Variants in RGS6 observed in about 807,000 individuals in gnomAD.
RGS6 encodes regulator of G protein signaling 6.
RGS6 carries 30 observed loss-of-function variants against 78.5 expected under a neutral mutation model. The ratio of observed to expected loss-of-function variants is 0.38; its 90% CI spans 0.29 to 0.52. The LOEUF (loss-of-function observed/expected upper bound fraction) is 0.52, where lower values mean the gene tolerates loss of function less well. RGS6 is among the 20% of genes least tolerant of loss of function. The pLI is 0.85. For synonymous variants in RGS6, 206 were observed against 206.0 expected, an observed-to-expected ratio of 1.00 and a Z score of 0.00; for missense variants, 495 against 609.7, an observed-to-expected ratio of 0.81 and a Z score of 1.98.
At chr14:72,509,936 A>C (rs890836778) in intron 13 of RGS6, among the ~76,000 whole-genome samples, 3 of 152,234 alleles carry the variant, frequency 2.0e-5, no homozygotes, top group African/African-American at 7.2e-5. Flanking sequence ...ACCATCACTT[A>C]ACATGCCTCC....
chr14:72,102,683 G>A (rs2095552211), intron 2 of RGS6, among the ~76,000 whole-genome samples: 1 of 152,078 alleles, frequency 6.6e-6, no homozygotes, highest in Non-Finnish European at 1.5e-5. Flanking sequence ...CCTAATGAAA[G>A]TTTTCACACG....
chr14:72,599,393 C>CTTTTGTT, the RGS6 span, among the ~76,000 whole-genome samples: 64 of 78,226 alleles, frequency 8.2e-4, 7 homozygotes, highest in Middle Eastern at 0.014. Context: ...CTTTTCTTTC[C>CTTTTGTT]TTTTTTTTTT....
Position 72,145,904 on chromosome 14 carries a change from A to C in RGS6, c.84+181029A>C, listed in dbSNP as rs117059629. 9.8e-3 allele frequency among the ~76,000 whole-genome samples: 1,487 copies of C among 152,340 alleles called. 12 individuals carry two copies. The highest frequency in any genetic ancestry group is 0.016 in the Non-Finnish European group (1,088 of 68,034). ...GGCTCCCCTGTGGAAGTGATATTTAAGGGAAGATTAAAGGATTAAGAACAA... is the reference window on the plus strand; with the variant it reads ...GGCTCCCCTGTGGAAGTGATATTTACGGGAAGATTAAAGGATTAAGAACAA... On this transcript the variant is annotated intron_variant, in intron 2 of 17. Transcript: ENST00000553525.
At chr14:72,117,509 G>GT (rs2095927381) in intron 2 of RGS6, among the ~76,000 whole-genome samples, 1 of 152,026 alleles carries the variant, frequency 6.6e-6, no homozygotes, top group South Asian at 2.1e-4. Context: ...CGTGCTTTGT[G>GT]TACAGCCTGC....
intron 2 of RGS6, among the ~76,000 whole-genome samples, chr14:72,155,411 G>A (rs1344327399): frequency 6.6e-6 from 1 of 152,106 alleles, no homozygotes; most frequent in Non-Finnish European, 1.5e-5. Flanking sequence ...GACCTTAAAG[G>A]CCAGCTTATT....
At chr14:72,320,435 G>C (rs1431981161) in intron 2 of RGS6, among the ~76,000 whole-genome samples, 1 of 151,956 alleles carries the variant, frequency 6.6e-6, no homozygotes, top group African/African-American at 2.4e-5. Context: ...AAAATTAGCT[G>C]GGCGTGGTGG....
At chr14:72,469,868 A>G (rs1294298711) in intron 7 of RGS6, 139 bp from the exon 8 acceptor site, 8 of 646,252 alleles carry the variant, frequency 1.2e-5, no homozygotes, top group Middle Eastern at 3.4e-4. Context: ...AATGGGATAC[A>G]TGTCCAGGGG....
intron 2 of RGS6, among the ~76,000 whole-genome samples, chr14:72,126,109 A>G (rs919576028): frequency 6.6e-6 from 1 of 152,164 alleles, no homozygotes; most frequent in African/African-American, 2.4e-5. Flanking sequence ...AGTACAGTAA[A>G]CAGATCCAGC....
At chr14:72,001,616 A>G (rs2083451968) in intron 2 of RGS6, among the ~76,000 whole-genome samples, 2 of 152,110 alleles carry the variant, frequency 1.3e-5, no homozygotes, top group South Asian at 2.1e-4. Flanking sequence ...AATTAAAGAC[A>G]TATTCTCTTA....
intron 2 of RGS6, among the ~76,000 whole-genome samples, chr14:72,175,281 A>G (rs926731825): frequency 2.6e-5 from 4 of 152,184 alleles, no homozygotes; most frequent in Non-Finnish European, 4.4e-5. Flanking sequence ...ATTCTAGCAT[A>G]AGAGAGGGGA....
chr14:72,288,338 A>G (rs936673294), intron 2 of RGS6, among the ~76,000 whole-genome samples: 1 of 152,226 alleles, frequency 6.6e-6, no homozygotes, highest in African/African-American at 2.4e-5. Flanking sequence ...GAATATCACC[A>G]TAATACTGAA....
In RGS6 at chr14:72,078,833, G is replaced by A. The variant is rs575061611; in HGVS notation, c.84+113958G>A. Among the ~76,000 whole-genome samples the A allele has an allele frequency of 2.8e-4, 43 of 151,758 alleles. No homozygotes were observed. In the South Asian group the frequency reaches 7.3e-3, roughly 26 times the overall value. On this transcript the variant is annotated intron_variant, in intron 2 of 17. Coordinates refer to ENST00000553525, the MANE Select transcript of RGS6 (RefSeq NM_001204424.2). ...GCCTCCAACTTTATCTACCCATCAC[G>A]GTTTTAGCTTATATTTTGATTTTAT...
intron 2 of RGS6, among the ~76,000 whole-genome samples, chr14:72,256,631 G>T (rs1014751817): frequency 6.6e-6 from 1 of 152,146 alleles, no homozygotes; most frequent in Non-Finnish European, 1.5e-5. Context: ...CAAGGAGGGG[G>T]TTAGTTTTGG....
rs372027316 is a variant in RGS6, at chr14:72,082,513, T to C, written c.84+117638T>C. On this transcript the variant is annotated intron_variant, in intron 2 of 17. Coordinates refer to ENST00000553525, the MANE Select transcript of RGS6 (RefSeq NM_001204424.2). ...GTATCCTGCAACTTTACTGAATTTG[T>C]TTATTAAACTATTAGATGATAGTTT... is the stretch of plus-strand genomic sequence containing the variant. Among the ~76,000 whole-genome samples the C allele has an allele frequency of 2.5e-4, 38 of 152,290 alleles. No individual in the cohort carries two copies. In the South Asian group the frequency reaches 7.9e-3, roughly 32 times the overall value.
At chr14:72,024,357 T>A (rs1349531014) in intron 2 of RGS6, among the ~76,000 whole-genome samples, 4 of 152,176 alleles carry the variant, frequency 2.6e-5, no homozygotes, top group African/African-American at 7.2e-5. Flanking sequence ...CTGACTTTCT[T>A]TACTTGAGTC....
At chr14:72,398,889 T>C (rs2091921048) in intron 3 of RGS6, among the ~76,000 whole-genome samples, 1 of 152,296 alleles carries the variant, frequency 6.6e-6, no homozygotes, top group South Asian at 2.1e-4. Context: ...TCCTGAGTTC[T>C]AGTTTGATTG....
At chr14:72,171,435 G>A (rs2097016744) in intron 2 of RGS6, among the ~76,000 whole-genome samples, 1 of 152,220 alleles carries the variant, frequency 6.6e-6, no homozygotes, top group East Asian at 1.9e-4. Context: ...TAGTCAGTCT[G>A]TACTAGCAAT....
chr14:72,396,970 A>G (rs2091445270), intron 3 of RGS6, among the ~76,000 whole-genome samples: 1 of 152,198 alleles, frequency 6.6e-6, no homozygotes, highest in South Asian at 2.1e-4. Flanking sequence ...GTTAGAAGTC[A>G]GGTAGCATGA....
chr14:71,904,161 G>A, the RGS6 span, among the ~76,000 whole-genome samples: 1 of 152,166 alleles, frequency 6.6e-6, no homozygotes, highest in African/African-American at 2.4e-5. Context: ...CTTTTTCTGG[G>A]AAGAGCATCC....
Sources: gnomAD v4.1 joint callset for allele counts (sites outside exome capture counted in the v4.1 genomes callset) on GRCh38, gnomAD v4.1.1 for gene constraint, MANE v1.5 for transcripts, NCBI Gene and HGNC (gene_info 2026-07-23, HGNC 2026-07-21) for gene names.